Variants in TBCK observed in about 807,000 individuals in gnomAD.
TBCK encodes the protein TBC1 domain containing kinase, also known as TBC domain-containing protein kinase-like protein.
In TBCK, 99 loss-of-function variants were observed where a neutral mutation model predicts 113.4. The ratio of observed to expected loss-of-function variants is 0.87; its 90% CI spans 0.74 to 1.03. The LOEUF (loss-of-function observed/expected upper bound fraction) is 1.03, where lower values mean the gene tolerates loss of function less well. Ranked by LOEUF, TBCK falls within the 50% of genes least tolerant of loss-of-function variation. The pLI is 0.00. For synonymous variants in TBCK, 369 were observed against 370.8 expected, an observed-to-expected ratio of 1.00 and a Z score of 0.05; for missense variants, 1,045 against 1,061.3, an observed-to-expected ratio of 0.98 and a Z score of 0.21.
At chr4:106,127,206 C>CAAAAAAAAA (rs35461999) in intron 23 of TBCK, among the ~76,000 whole-genome samples, 1 of 65,502 alleles carries the variant, frequency 1.5e-5, no homozygotes, top group African/African-American at 5.8e-5. Context: ...GACTCCGTCT[C>CAAAAAAAAA]AAAAAAAAAA....
chr4:106,254,504 T>C (rs534433293), intron 5 of TBCK, among the ~76,000 whole-genome samples: 3 of 152,244 alleles, frequency 2.0e-5, no homozygotes, highest in Non-Finnish European at 2.9e-5. Context: ...CTTTTCTTTC[T>C]CTTTACGGTA....
chr4:106,183,841 CA>C (rs1752692128), intron 22 of TBCK, among the ~76,000 whole-genome samples: 1 of 151,996 alleles, frequency 6.6e-6, no homozygotes, highest in South Asian at 2.1e-4. Context: ...TCACTGACAC[CA>C]TTAGTAATCT....
intron 23 of TBCK, among the ~76,000 whole-genome samples, chr4:106,121,422 A>G (rs1281226177): frequency 6.9e-6 from 1 of 144,418 alleles, no homozygotes; most frequent in African/African-American, 2.6e-5. Flanking sequence ...CACATTAATA[A>G]TGGGAGACTT....
intron 23 of TBCK, among the ~76,000 whole-genome samples, chr4:106,160,921 T>C (rs1407031051): frequency 6.6e-6 from 1 of 151,954 alleles, no homozygotes; most frequent in Non-Finnish European, 1.5e-5. Context: ...ACAAAATAGG[T>C]ATTATTTAGC....
chr4:106,313,489 C>A (rs1401612440), intron 1 of TBCK, among the ~76,000 whole-genome samples: 1 of 152,126 alleles, frequency 6.6e-6, no homozygotes, highest in Non-Finnish European at 1.5e-5. Flanking sequence ...TAATTTACAG[C>A]TATACGAACA....
intron 11 of TBCK, among the ~76,000 whole-genome samples, chr4:106,243,561 A>G (rs1338494719): frequency 6.6e-6 from 1 of 152,114 alleles, no homozygotes; most frequent in Admixed American, 6.5e-5. Context: ...TCAGATTAAG[A>G]GAGAAAAAAA....
intron 25 of TBCK, among the ~76,000 whole-genome samples, chr4:106,062,880 CT>C (rs1736203356): frequency 6.6e-6 from 1 of 151,850 alleles, no homozygotes; most frequent in Non-Finnish European, 1.5e-5. Flanking sequence ...TATAATATTT[CT>C]AGTAAACATG....
intron 3 of TBCK, among the ~76,000 whole-genome samples, chr4:106,263,192 T>G (rs898722895): frequency 6.6e-6 from 1 of 151,912 alleles, no homozygotes; most frequent in African/African-American, 2.4e-5. Flanking sequence ...TTTTTTAAAT[T>G]TTTCTAAAAT....
intron 12 of TBCK, among the ~76,000 whole-genome samples, chr4:106,241,867 T>C (rs998355806): frequency 2.0e-5 from 3 of 151,898 alleles, no homozygotes; most frequent in Admixed American, 6.6e-5. Context: ...CAAAATATAT[T>C]TGACTATAAA....
chr4:106,248,869 G>T (rs1761118439), intron 8 of TBCK, 52 bp downstream of exon 8: 1 of 1,396,814 alleles, frequency 7.2e-7, no homozygotes, highest in Admixed American at 2.3e-5. Flanking sequence ...CCCAATATCA[G>T]GTATTTTGTT....
intron 12 of TBCK, among the ~76,000 whole-genome samples, chr4:106,239,892 T>C (rs1187569871): frequency 6.6e-6 from 1 of 151,932 alleles, no homozygotes; most frequent in Non-Finnish European, 1.5e-5. Context: ...GAGACTAGTA[T>C]ACCCCTGATA....
At chr4:106,238,807 A>G (rs1244665023) in intron 12 of TBCK, 1 of 152,198 alleles carries the variant, frequency 6.6e-6, no homozygotes, top group African/African-American at 2.4e-5. Context: ...ACAGGGAATC[A>G]CAGCTCAACA....
chr4:106,064,436 G>T (rs962749479), intron 25 of TBCK, among the ~76,000 whole-genome samples: 1 of 151,032 alleles, frequency 6.6e-6, no homozygotes, highest in African/African-American at 2.4e-5. Context: ...TTGCCCATCT[G>T]CCTGCAACTA....
intron 25 of TBCK, among the ~76,000 whole-genome samples, chr4:106,092,707 G>A (rs940763822): frequency 1.3e-5 from 2 of 152,202 alleles, no homozygotes; most frequent in East Asian, 1.9e-4. Context: ...TCAAGCCCAC[G>A]CCCACCTGGA....
intron 24 of TBCK, among the ~76,000 whole-genome samples, chr4:106,115,990 A>G (rs1053513123): frequency 2.6e-5 from 4 of 152,228 alleles, no homozygotes; most frequent in African/African-American, 9.6e-5. Context: ...ATATTCTGGC[A>G]TTGTTTGGAA....
Position 106,236,468 on chromosome 4 carries a change from G to T in TBCK, c.1272C>A (p.Ala424=). The T allele has an allele frequency of 6.3e-7, 1 of 1,580,164 alleles. No homozygotes were observed. The highest frequency in any genetic ancestry group is 8.6e-7 in the Non-Finnish European group (1 of 1,162,146). Reference sequence around the variant, plus strand: ...TCTCTCTGATGATTAAAGGGAGCGTGGCAGCTGCAGACAACTCATTATTGC... The same window carrying T: ...TCTCTCTGATGATTAAAGGGAGCGTTGCAGCTGCAGACAACTCATTATTGC... ...SNSNNELSAA[A]TLPLIIREKD... is the part of the protein sequence containing the mutation. The change falls in exon 14 of 26, where the codon GCC becomes GCA. Residue 424 remains alanine (A), a synonymous_variant. Coordinates refer to ENST00000394708, the MANE Select transcript of TBCK (RefSeq NM_001163435.3).
intron 24 of TBCK, among the ~76,000 whole-genome samples, chr4:106,114,608 C>G (rs1023353951): frequency 6.6e-6 from 1 of 152,150 alleles, no homozygotes. Context: ...CACTGGATAC[C>G]TGCGTCTGAC....
intron 24 of TBCK, among the ~76,000 whole-genome samples, chr4:106,115,905 C>T (rs943498539): frequency 1.4e-4 from 22 of 152,234 alleles, no homozygotes; most frequent in African/African-American, 5.3e-4. Flanking sequence ...TTCCTATCTA[C>T]AGCATGAAGG....
intron 20 of TBCK, among the ~76,000 whole-genome samples, chr4:106,197,259 A>G (rs1265780773): frequency 6.6e-6 from 1 of 151,834 alleles, no homozygotes; most frequent in Non-Finnish European, 1.5e-5. Context: ...GTCCTGGAAG[A>G]TTCTGCCAGA....
Sources: gnomAD v4.1 joint callset for allele counts (sites outside exome capture counted in the v4.1 genomes callset) on GRCh38, gnomAD v4.1.1 for gene constraint, MANE v1.5 for transcripts, NCBI Gene and HGNC (gene_info 2026-07-23, HGNC 2026-07-21) for gene names.